The following ZNF407 variants were observed in gnomAD, a reference collection of about 807,000 sequenced individuals.
ZNF407 encodes the protein zinc finger protein 407.
Under a neutral mutation model 131.2 loss-of-function variants are expected in ZNF407, and 17 were observed. The ratio of observed to expected loss-of-function variants is 0.13; its 90% CI spans 0.09 to 0.19. ZNF407 has a LOEUF of 0.19. Among genes scored for constraint, ZNF407 ranks in the 10% least tolerant of loss-of-function variants. ZNF407 has a pLI of 1.00. For synonymous variants in ZNF407, 1,156 were observed against 1,062.0 expected (o/e 1.09, Z -1.72); for missense variants, 2,681 against 2,830.6 (o/e 0.95, Z 1.20).
chr18:75,000,652 A>G (rs1972834207), intron 8 of ZNF407, among the ~76,000 whole-genome samples: 1 of 152,154 alleles, frequency 6.6e-6, no homozygotes, highest in African/African-American at 2.4e-5. Flanking sequence ...AAGATAAAAG[A>G]TGCATCTATT....
At chr18:74,944,902 G>C (rs1280054933) in intron 8 of ZNF407, among the ~76,000 whole-genome samples, 1 of 152,092 alleles carries the variant, frequency 6.6e-6, no homozygotes, top group Non-Finnish European at 1.5e-5. Flanking sequence ...TCATTCTCTG[G>C]TTGCAGACTG....
Position 74,725,520 on chromosome 18 carries a change from G to A in ZNF407, c.4803-55908G>A, listed in dbSNP as rs756451825. On this transcript the variant is annotated intron_variant, in intron 3 of 8. Coordinates refer to ENST00000299687, the MANE Select transcript of ZNF407 (RefSeq NM_017757.3). ...TCACTTTTTTTGTTTATCTCATTGA[G>A]TATCTTCATGTGTGTTACATCTTGT... Among the ~76,000 whole-genome samples, 6 of 152,078 alleles carry A rather than the reference G, an allele frequency of 3.9e-5. No individual in the cohort carries two copies. In the South Asian group the frequency reaches 8.3e-4, roughly 21 times the overall value.
chr18:74,708,637 C>T (rs529026690), intron 3 of ZNF407, among the ~76,000 whole-genome samples: 93 of 152,314 alleles, frequency 6.1e-4, no homozygotes, highest in African/African-American at 2.2e-3. Context: ...GAGCTGGCTC[C>T]AGCCCTTTCT....
chr18:74,604,864 G>A (rs1982733766), intron 1 of ZNF407, among the ~76,000 whole-genome samples: 1 of 152,112 alleles, frequency 6.6e-6, no homozygotes, highest in Non-Finnish European at 1.5e-5. Flanking sequence ...CATCCCAAGG[G>A]CACCCGAAGC....
chr18:74,693,372 A>T (rs917855099), intron 3 of ZNF407, among the ~76,000 whole-genome samples: 5 of 152,148 alleles, frequency 3.3e-5, no homozygotes, highest in African/African-American at 9.7e-5. Flanking sequence ...TTATTTCAAA[A>T]CGTTTTCTAA....
chr18:75,055,498 T>C (rs889226339), intron 8 of ZNF407, among the ~76,000 whole-genome samples: 6 of 152,238 alleles, frequency 3.9e-5, no homozygotes, highest in African/African-American at 1.4e-4. Context: ...TCTATTACTG[T>C]TAGATCTTCA....
chr18:74,720,684 A>G (rs2144869424), intron 3 of ZNF407, among the ~76,000 whole-genome samples: 1 of 152,170 alleles, frequency 6.6e-6, no homozygotes, highest in South Asian at 2.1e-4. Context: ...GTGTAGGGTT[A>G]GAGGTGGGGG....
At chr18:74,620,373 G>A (rs1983464056) in intron 1 of ZNF407, among the ~76,000 whole-genome samples, 1 of 152,182 alleles carries the variant, frequency 6.6e-6, no homozygotes, top group South Asian at 2.1e-4. Flanking sequence ...GGAAGTCTTT[G>A]ATAATGAAAG....
At chr18:74,827,544 CT>C (rs1305155156) in intron 4 of ZNF407, among the ~76,000 whole-genome samples, 1 of 152,048 alleles carries the variant, frequency 6.6e-6, no homozygotes, top group African/African-American at 2.4e-5. Flanking sequence ...CTCATGTGTC[CT>C]TTTGATGTGT....
chr18:74,641,814 T>C (rs1984734224), intron 3 of ZNF407, among the ~76,000 whole-genome samples: 2 of 152,320 alleles, frequency 1.3e-5, no homozygotes, highest in South Asian at 2.1e-4. Context: ...CTAGATCATA[T>C]ATGGTATAAC....
chr18:74,788,175 G>A (rs1384762108), intron 4 of ZNF407, among the ~76,000 whole-genome samples: 1 of 152,012 alleles, frequency 6.6e-6, no homozygotes, highest in Non-Finnish European at 1.5e-5. Flanking sequence ...TCCTTATGGG[G>A]AAGTCCCATT....
rs144325136 is a variant in ZNF407 at position 75,052,040 on chromosome 18, T to C, written c.5429-11110T>C. Among the ~76,000 whole-genome samples the C allele has an allele frequency of 7.2e-5, 11 of 152,204 alleles. No individual in the cohort carries two copies. The East Asian group carries it at 1.9e-3, about 27-fold the overall frequency. ...TCAGGAGAGGCTCTGGGGAAGACCT[T>C]TGGATAAGGAACGTGATGAGGAGAA... On this transcript the variant is annotated intron_variant, in intron 8 of 8. Transcript: ENST00000299687.
In ZNF407 at chr18:74,804,203, T is replaced by TTTA. The variant is rs1381985575; in HGVS notation, c.4877+22701_4877+22702insTTA. The TTTA allele has an allele frequency of 1.5e-5, 20 of 1,338,942 alleles. No homozygotes were observed. The African/African-American group carries it at 2.8e-4, about 19-fold the overall frequency. 82.9% of individuals were successfully genotyped at this position (1,338,942 alleles called of 1,614,324 possible). On this transcript the variant is annotated intron_variant, in intron 4 of 8. Transcript: ENST00000299687. ...CTTGAATTCATTTGTGTGATGTAAATCATCACACAAATGTAGGCTAGTCTA... is the reference window on the plus strand; with the variant it reads ...CTTGAATTCATTTGTGTGATGTAAATTTACATCACACAAATGTAGGCTAGTCTA...
At chr18:75,052,860 C>G (rs1277789817) in intron 8 of ZNF407, among the ~76,000 whole-genome samples, 3 of 152,230 alleles carry the variant, frequency 2.0e-5, no homozygotes, top group Admixed American at 2.0e-4. Context: ...ACTCCCTGAT[C>G]AGCGTTCGGA....
intron 3 of ZNF407, among the ~76,000 whole-genome samples, chr18:74,677,879 T>C (rs1048993277): frequency 2.0e-5 from 3 of 152,160 alleles, no homozygotes; most frequent in African/African-American, 4.8e-5. Flanking sequence ...TGGAGTGCAG[T>C]GGCCGATTTT....
At chr18:74,648,736 C>T (rs780410417) in intron 3 of ZNF407, among the ~76,000 whole-genome samples, 15 of 152,198 alleles carry the variant, frequency 9.9e-5, no homozygotes, top group Non-Finnish European at 1.9e-4. Context: ...TATGCAGTTA[C>T]GTAGCCGTGC....
intron 8 of ZNF407, among the ~76,000 whole-genome samples, chr18:74,974,199 G>A (rs975865727): frequency 6.6e-6 from 1 of 152,130 alleles, no homozygotes; most frequent in African/African-American, 2.4e-5. Flanking sequence ...CGAAGTAGAC[G>A]ATTTTTCTTG....
At chr18:74,781,579 C>G in intron 4 of ZNF407, 77 bp downstream of exon 4, 2 of 1,137,078 alleles carry the variant, frequency 1.8e-6, no homozygotes, top group Non-Finnish European at 1.2e-6. Flanking sequence ...GACATGACTT[C>G]TAGACTTTTT....
intron 4 of ZNF407, among the ~76,000 whole-genome samples, chr18:74,831,622 T>TA (rs1970484593): frequency 6.6e-6 from 1 of 152,242 alleles, no homozygotes; most frequent in Non-Finnish European, 1.5e-5. Flanking sequence ...TGAATAATAT[T>TA]ACACCGTGTG....
Sources: gnomAD v4.1 joint callset for allele counts (sites outside exome capture counted in the v4.1 genomes callset) on GRCh38, gnomAD v4.1.1 for gene constraint, MANE v1.5 for transcripts, NCBI Gene and HGNC (gene_info 2026-07-23, HGNC 2026-07-21) for gene names.